TAFA2: variants seen among roughly 807,000 people sequenced by gnomAD.
TAFA2 encodes the protein TAFA chemokine like family member 2, also known as chemokine-like protein TAFA-2.
A neutral mutation model predicts 18.8 loss-of-function variants in TAFA2; 7 were observed. The ratio of observed to expected loss-of-function variants is 0.37; its 90% CI spans 0.21 to 0.70. The LOEUF (loss-of-function observed/expected upper bound fraction) is 0.70, where lower values mean the gene tolerates loss of function less well. TAFA2 is among the 30% of genes least tolerant of loss of function. TAFA2 has a pLI of 0.53. For missense variants in TAFA2, 122 were observed against 158.1 expected (o/e 0.77, Z 1.23); for synonymous variants, 60 against 54.2 (o/e 1.11, Z -0.47).
At chr12:62,028,282 T>C (rs1013822304) in intron 1 of TAFA2, among the ~76,000 whole-genome samples, 3 of 152,150 alleles carry the variant, frequency 2.0e-5, no homozygotes, top group Admixed American at 6.6e-5. Context: ...CTCGTCTATC[T>C]AGACTAGTAC....
At chr12:61,949,534 C>T (rs1296163099) in intron 1 of TAFA2, among the ~76,000 whole-genome samples, 1 of 152,118 alleles carries the variant, frequency 6.6e-6, no homozygotes, top group African/African-American at 2.4e-5. Flanking sequence ...TACAGCCGGT[C>T]AAGTAGACAG....
intron 1 of TAFA2, among the ~76,000 whole-genome samples, chr12:61,952,943 A>ATGTT (rs1878521642): frequency 6.6e-6 from 1 of 152,236 alleles, no homozygotes; most frequent in Admixed American, 6.6e-5. Context: ...ATAAAAATAC[A>ATGTT]TGTTATATTA....
At chr12:62,081,029 C>T (rs116270289) in intron 1 of TAFA2, among the ~76,000 whole-genome samples, 2,499 of 152,112 alleles carry the variant, frequency 0.016, 58 homozygotes, top group African/African-American at 0.056. Flanking sequence ...CCTGTCTCTA[C>T]GAAAAGACAC....
chr12:61,980,572 T>G (rs186676251), intron 1 of TAFA2, among the ~76,000 whole-genome samples: 1 of 152,216 alleles, frequency 6.6e-6, no homozygotes, highest in East Asian at 1.9e-4. Context: ...CGTCTCAGCC[T>G]AAAATCTCCT....
intron 2 of TAFA2, chr12:61,827,216 G>C (rs1872564066): frequency 6.6e-6 from 1 of 152,014 alleles, no homozygotes; most frequent in South Asian, 2.1e-4. Flanking sequence ...ACACTAAGGG[G>C]CTTGAGCAAC....
chr12:61,866,084 T>C (rs1874342130), intron 2 of TAFA2, among the ~76,000 whole-genome samples: 1 of 152,150 alleles, frequency 6.6e-6, no homozygotes, highest in African/African-American at 2.4e-5. Context: ...GAATTTAAAG[T>C]CTGATTTGTG....
chr12:61,807,977 T>G (rs1027650491), intron 2 of TAFA2, among the ~76,000 whole-genome samples: 1 of 151,504 alleles, frequency 6.6e-6, no homozygotes, highest in African/African-American at 2.5e-5. Flanking sequence ...ACTATGGATA[T>G]CTGAGTTAAT....
rs185372536 is a variant in TAFA2 at position 61,740,374 on chromosome 12, C to T, written c.384+13248G>A. On this transcript the variant is annotated intron_variant, in intron 4 of 4. Transcript: ENST00000416284. ...GGGTGGGAGAGCATTAGGAGAAATACCTAATGTAGATGATGGGTTAATGGG... is the reference window on the plus strand; with the variant it reads ...GGGTGGGAGAGCATTAGGAGAAATATCTAATGTAGATGATGGGTTAATGGG... Among the ~76,000 whole-genome samples, 76 of 151,848 alleles carry T rather than the reference C, an allele frequency of 5.0e-4. 1 individual carries two copies. The highest frequency in any genetic ancestry group is 1.7e-3 in the African/African-American group (72 of 41,424).
intron 1 of TAFA2, among the ~76,000 whole-genome samples, chr12:61,877,468 T>C (rs1874904635): frequency 6.6e-6 from 1 of 152,190 alleles, no homozygotes. Flanking sequence ...AGATGTATTC[T>C]ATTGTGAAAT....
chr12:62,229,847 TTTGTTG>T (rs372113384), intron 1 of TAFA2, among the ~76,000 whole-genome samples: 4 of 151,482 alleles, frequency 2.6e-5, no homozygotes, highest in African/African-American at 9.7e-5. Context: ...GTCCTGGATT[TTTGTTG>T]TTGTTGTTGT....
chr12:61,851,774 C>CAAAAAAAA lies in TAFA2; in HGVS notation c.106+15538_106+15545dup, dbSNP rs55651727. 9.0e-4 allele frequency among the ~76,000 whole-genome samples: 13 copies of CAAAAAAAA among 14,500 alleles called. 2 individuals carry two copies. Among genetic ancestry groups the CAAAAAAAA allele is most frequent in the African/African-American group, 1.1e-3 (7 of 6,642 alleles). The allele number at this position is 14,500 out of a possible 152,430, so 9.5% of individuals were successfully genotyped here. ...TGGGCGACAGAGCGAGACTCCATCT[C>CAAAAAAAA]AAAAAAAAAAAAAAAAAAAAAAAAA... On this transcript the variant is annotated intron_variant, in intron 2 of 4. Transcript: ENST00000416284.
At chr12:61,984,622 A>C (rs150980085) in intron 1 of TAFA2, among the ~76,000 whole-genome samples, 273 of 152,218 alleles carry the variant, frequency 1.8e-3, no homozygotes, top group African/African-American at 4.7e-3. Flanking sequence ...TCTAAAGAAC[A>C]TTTTCCATTA....
rs891257846 is a variant in TAFA2 at position 62,174,411 on chromosome 12, G to A, written c.-2+16848C>T. 3.3e-5 allele frequency among the ~76,000 whole-genome samples: 5 copies of A among 152,224 alleles called. No individual in the cohort carries two copies. The South Asian group carries it at 1.0e-3, about 32-fold the overall frequency. On this transcript the variant is annotated intron_variant, in intron 1 of 4. Transcript: ENST00000416284. ...TATTTCAAGGAAAGGCTGAGGAAGA[G>A]GAGCCAGCAAGGAGGCTTTAAAGAA...
chr12:61,882,632 G>A (rs542709652), intron 1 of TAFA2, among the ~76,000 whole-genome samples: 28 of 152,132 alleles, frequency 1.8e-4, no homozygotes, highest in African/African-American at 6.0e-4. Flanking sequence ...TCTTGGTATC[G>A]TCTTTCAAAT....
At chr12:61,898,515 C>T (rs928095778) in intron 1 of TAFA2, among the ~76,000 whole-genome samples, 2 of 152,212 alleles carry the variant, frequency 1.3e-5, no homozygotes, top group Non-Finnish European at 2.9e-5. Context: ...CTTCTGTAAA[C>T]CCACAGGACT....
chr12:61,709,997 A>G lies in TAFA2; in HGVS notation c.*409T>C, dbSNP rs1374356780. On this transcript the variant is annotated 3_prime_UTR_variant, in exon 5 of 5. Transcript: ENST00000416284. ...AGTCCCACTAGCAAATGAACATAGG[A>G]CCCAGGAACACATCCAGGACAGAAG... is the stretch of plus-strand genomic sequence containing the variant. 5.7e-6 allele frequency: 1 copy of G among 174,910 alleles called. No individual in the cohort carries two copies. The highest frequency in any genetic ancestry group is 1.2e-5 in the Non-Finnish European group (1 of 83,056). 10.8% of individuals were successfully genotyped at this position (174,910 alleles called of 1,614,324 possible).
intron 1 of TAFA2, among the ~76,000 whole-genome samples, chr12:61,912,824 C>T (rs1876665882): frequency 6.6e-6 from 1 of 152,152 alleles, no homozygotes; most frequent in South Asian, 2.1e-4. Flanking sequence ...TTAAAATAGG[C>T]CTCATTACAA....
At chr12:61,979,994 C>A in intron 1 of TAFA2, among the ~76,000 whole-genome samples, 1 of 152,122 alleles carries the variant, frequency 6.6e-6, no homozygotes, top group East Asian at 1.9e-4. Flanking sequence ...TTAAAATATA[C>A]TTATTCTGAT....
chr12:62,016,973 A>G (rs1565717281), intron 1 of TAFA2, among the ~76,000 whole-genome samples: 1 of 152,244 alleles, frequency 6.6e-6, no homozygotes, highest in Non-Finnish European at 1.5e-5. Context: ...GTGATCTAAT[A>G]CCAACTCTAT....
Sources: gnomAD v4.1 joint callset for allele counts (sites outside exome capture counted in the v4.1 genomes callset) on GRCh38, gnomAD v4.1.1 for gene constraint, MANE v1.5 for transcripts, NCBI Gene and HGNC (gene_info 2026-07-23, HGNC 2026-07-21) for gene names.